CPEB4: variants seen among roughly 807,000 people sequenced by gnomAD.
CPEB4 encodes the protein cytoplasmic polyadenylation element binding protein 4, also known as cytoplasmic polyadenylation element-binding protein 4.
A neutral mutation model predicts 72.5 loss-of-function variants in CPEB4; 12 were observed. That is an observed-to-expected ratio of 0.17 (90% confidence interval 0.11 to 0.27). CPEB4 has a LOEUF of 0.27. Among genes scored for constraint, CPEB4 ranks in the 10% least tolerant of loss-of-function variants. The probability of loss-of-function intolerance (pLI) is 1.00; values close to 1 mark genes in which losing one functional copy is unlikely to be tolerated. For missense variants in CPEB4, 614 were observed against 908.5 expected, an observed-to-expected ratio of 0.68 and a Z score of 4.17; for synonymous variants, 302 against 326.3, an observed-to-expected ratio of 0.93 and a Z score of 0.80.
intron 1 of CPEB4, among the ~76,000 whole-genome samples, chr5:173,898,589 CAG>C (rs1477604856): frequency 6.6e-6 from 1 of 152,212 alleles, no homozygotes; most frequent in Admixed American, 6.5e-5. Context: ...ACTCATCAAA[CAG>C]AAATATTAAG....
intron 1 of CPEB4, among the ~76,000 whole-genome samples, chr5:173,898,303 A>G (rs900655641): frequency 1.3e-5 from 2 of 152,152 alleles, no homozygotes; most frequent in African/African-American, 4.8e-5. Flanking sequence ...CTGCCATTTT[A>G]TTGTCTATGA....
chr5:173,910,645 T>C, intron 2 of CPEB4, 41 bp downstream of exon 2: 1 of 1,243,410 alleles, frequency 8.0e-7, no homozygotes, highest in Non-Finnish European at 1.2e-6. Flanking sequence ...AGACAATAGT[T>C]TTAAATGTGT....
intron 1 of CPEB4, among the ~76,000 whole-genome samples, chr5:173,907,015 TCCCAG>T (rs1223913243): frequency 2.0e-5 from 3 of 152,186 alleles, no homozygotes; most frequent in African/African-American, 7.2e-5. Flanking sequence ...ACACCTGTAA[TCCCAG>T]CACTTTGGGA....
rs1758535115 is a variant in CPEB4, at chr5:173,961,011, A to G, written c.*4874A>G. On this transcript the variant is annotated 3_prime_UTR_variant, in exon 10 of 10. Transcript: ENST00000265085. The stretch of plus-strand genomic sequence containing the variant: ...AGAATATCCTGTTTTGTCAGATTTA[A>G]TATCTGTTCTTTCTTGAGTATAGTA... 2 of 152,218 alleles carry G rather than the reference A, an allele frequency of 1.3e-5. No homozygotes were observed. Among genetic ancestry groups the G allele is most frequent in the Admixed American group, 6.5e-5 (1 of 15,286 alleles). The allele number at this position is 152,218 out of a possible 1,614,324, so 9.4% of individuals were successfully genotyped here. A position where few individuals can be genotyped will look rare whatever the true frequency, so the allele number is the denominator to read the frequency against.
intron 7 of CPEB4, 91 bp from the exon 8 acceptor site, chr5:173,951,733 C>A: frequency 1.3e-6 from 1 of 749,750 alleles, no homozygotes; most frequent in Admixed American, 2.0e-5. Context: ...AGGATTATTG[C>A]TTTTAAAAAT....
chr5:173,933,330 C>G (rs1257377600), intron 3 of CPEB4, among the ~76,000 whole-genome samples: 2 of 152,158 alleles, frequency 1.3e-5, no homozygotes, highest in Non-Finnish European at 2.9e-5. Flanking sequence ...AATTCTTCCA[C>G]TCCTTGATTT....
intron 9 of CPEB4, among the ~76,000 whole-genome samples, chr5:173,954,234 A>G (rs950840783): frequency 6.6e-6 from 1 of 152,134 alleles, no homozygotes; most frequent in Non-Finnish European, 1.5e-5. Context: ...TTTATGTTTC[A>G]TGTCATGTAC....
At chr5:173,917,899 G>A (rs762575149) in intron 2 of CPEB4, among the ~76,000 whole-genome samples, 12 of 152,220 alleles carry the variant, frequency 7.9e-5, no homozygotes, top group African/African-American at 1.4e-4. Context: ...TCGGCCGGCA[G>A]CTGCCTGCGT....
intron 1 of CPEB4, among the ~76,000 whole-genome samples, chr5:173,897,982 G>C (rs1756085852): frequency 6.6e-6 from 1 of 152,082 alleles, no homozygotes; most frequent in Non-Finnish European, 1.5e-5. Flanking sequence ...AACTCCATCA[G>C]CTACCTATAG....
chr5:173,921,672 G>GAGGC (rs1051306719), intron 2 of CPEB4, among the ~76,000 whole-genome samples: 21 of 152,326 alleles, frequency 1.4e-4, no homozygotes, highest in Non-Finnish European at 2.9e-4. Context: ...TTAGGAGGGG[G>GAGGC]AGGCAAGTGC....
rs1422349240 is a variant in CPEB4, at chr5:173,900,808, C to T, written c.1126-9715C>T. On this transcript the variant is annotated intron_variant, in intron 1 of 9. Coordinates refer to ENST00000265085, the MANE Select transcript of CPEB4 (RefSeq NM_030627.4). This position sits in a 1 kb window ranked among gnomAD's most constrained non-coding sequence, Gnocchi z 4.4. The stretch of plus-strand genomic sequence containing the variant: ...ATGTTTATTGAATGAGTTCACTAAC[C>T]GCCATGCTTTGTGCTCCTGCTGCCC... 5.3e-5 allele frequency among the ~76,000 whole-genome samples: 8 copies of T among 152,050 alleles called. No individual in the cohort carries two copies. The highest frequency in any genetic ancestry group is 1.7e-4 in the African/African-American group (7 of 41,380).
intron 1 of CPEB4, among the ~76,000 whole-genome samples, chr5:173,908,988 AT>A (rs1277869177): frequency 5.3e-5 from 8 of 152,112 alleles, no homozygotes; most frequent in Admixed American, 3.3e-4. Flanking sequence ...TCTCAGTTTA[AT>A]TTTAAAATGT....
At chr5:173,933,389 C>A (rs1299391931) in intron 3 of CPEB4, among the ~76,000 whole-genome samples, 1 of 152,112 alleles carries the variant, frequency 6.6e-6, no homozygotes, top group Non-Finnish European at 1.5e-5. Flanking sequence ...AACTGGATCT[C>A]CTTTTGAAAT....
intron 1 of CPEB4, among the ~76,000 whole-genome samples, chr5:173,895,532 A>G (rs1208838593): frequency 6.6e-6 from 1 of 152,252 alleles, no homozygotes; most frequent in Non-Finnish European, 1.5e-5. Flanking sequence ...ACACTGCTGG[A>G]GTGCTTCAGT....
intron 2 of CPEB4, 34 bp downstream of exon 2, chr5:173,910,638 C>A: frequency 1.5e-6 from 2 of 1,334,286 alleles, no homozygotes; most frequent in Non-Finnish European, 2.2e-6. Flanking sequence ...TGATTTCAGA[C>A]AATAGTTTTA....
intron 2 of CPEB4, among the ~76,000 whole-genome samples, chr5:173,914,591 A>AC (rs756359622): frequency 2.2e-4 from 33 of 152,108 alleles, no homozygotes; most frequent in Admixed American, 1.1e-3. Flanking sequence ...CCCCATCTCT[A>AC]CTAAAAACAG....
chr5:173,943,777 T>C (rs1197992051), intron 4 of CPEB4, among the ~76,000 whole-genome samples: 1 of 152,226 alleles, frequency 6.6e-6, no homozygotes, highest in East Asian at 1.9e-4. Context: ...GATAAATTTA[T>C]AAAAAATATA....
chr5:173,943,942 G>C (rs1056648848), intron 4 of CPEB4, among the ~76,000 whole-genome samples: 6 of 152,208 alleles, frequency 3.9e-5, no homozygotes, highest in Non-Finnish European at 7.3e-5. Context: ...AGCCAGAAAA[G>C]TGATAAAACA....
At chr5:173,904,978 A>G (rs1172995022) in intron 1 of CPEB4, among the ~76,000 whole-genome samples, 2 of 68,506 alleles carry the variant, frequency 2.9e-5, no homozygotes, top group South Asian at 4.8e-4. Context: ...CTCAGATAAT[A>G]ATAATAATAA....
Sources: allele counts gnomAD v4.1 joint callset (sites outside exome capture counted in the v4.1 genomes callset), GRCh38; gene constraint gnomAD v4.1.1; non-coding constraint Gnocchi (gnomAD v3.1); transcripts MANE v1.5; gene names NCBI Gene and HGNC (gene_info 2026-07-23, HGNC 2026-07-21).